Variants in SIGLEC5 observed in about 807,000 individuals in gnomAD.
SIGLEC5 encodes sialic acid binding Ig like lectin 5, also known as sialic acid-binding Ig-like lectin 5.
In SIGLEC5, 34 loss-of-function variants were observed where a neutral mutation model predicts 45.9. The ratio of observed to expected loss-of-function variants is 0.74; its 90% CI spans 0.56 to 0.99. The LOEUF (loss-of-function observed/expected upper bound fraction) is 0.99. SIGLEC5 is among the 50% of genes least tolerant of loss of function. The pLI, the probability that SIGLEC5 is intolerant of heterozygous loss-of-function variation, is 0.00. For synonymous variants in SIGLEC5, 203 were observed against 258.6 expected (o/e 0.79, Z 2.06); for missense variants, 508 against 629.6 (o/e 0.81, Z 2.07).
At chr19:51,615,297 G>A (rs1983012542) in intron 8 of SIGLEC5, among the ~76,000 whole-genome samples, 1 of 152,174 alleles carries the variant, frequency 6.6e-6, no homozygotes, top group Non-Finnish European at 1.5e-5. Flanking sequence ...TATCCCTAGG[G>A]GAAAGTTAAG....
chr19:51,620,921 G>C (rs1983261065), intron 8 of SIGLEC5, among the ~76,000 whole-genome samples: 1 of 152,108 alleles, frequency 6.6e-6, no homozygotes, highest in Admixed American at 6.5e-5. Context: ...CTGGCCTCAA[G>C]AGATCCTCCT....
intron 4 of SIGLEC5, among the ~76,000 whole-genome samples, chr19:51,628,613 A>G (rs1600105282): frequency 7.0e-6 from 1 of 143,258 alleles, no homozygotes; most frequent in Non-Finnish European, 1.5e-5. Context: ...GTGTACGTAC[A>G]TGTGTGCGTG....
chr19:51,623,409 A>G (rs1983364884), intron 8 of SIGLEC5, among the ~76,000 whole-genome samples: 1 of 152,250 alleles, frequency 6.6e-6, no homozygotes, highest in Admixed American at 6.5e-5. Context: ...TACAACACAT[A>G]CAATGAGAAA....
chr19:51,627,234 C>T lies in SIGLEC5; in HGVS notation c.1297G>A (p.Gly433Arg), dbSNP rs17852719. 2.5e-5 allele frequency: 41 copies of T among 1,613,942 alleles called. No individual in the cohort carries two copies. The Admixed American group carries it at 4.3e-4, about 17-fold the overall frequency. Residue 433 changes from glycine (G) to arginine (R), a missense_variant, in exon 7 of 9, where the codon GGG (glycine) becomes AGG (arginine). Around this residue, in one of 2 missense-constraint regions of SIGLEC5, gnomAD observed 431 missense variants for 428.8 expected, o/e 1.01. Coordinates refer to ENST00000683636, the MANE Select transcript of SIGLEC5 (RefSeq NM_003830.4). ...VLLLQGRSNL[G>R]TGVVPAALGG... ...AGGGCTGCAGGAACCACTCCTGTCC[C>T]GAGGTTCGATCTCCCTGCAGAAAAG...
rs1983539214 is a variant in SIGLEC5, at chr19:51,627,611, T to C, written c.1133A>G (p.Gln378Arg). ...EEKPLEGNSS[Q>R]GSFKVNSSSA... is the part of the protein sequence containing the mutation. The stretch of plus-strand genomic sequence containing the variant: ...GCTGGAGTTGACCTTGAATGAGCCC[T>C]GGCTGCTGTTCCCCTCCAGCGGCTT... Residue 378 changes from glutamine (Q) to arginine (R), a missense_variant, in exon 6 of 9, where the codon CAG becomes CGG. Physicochemically the swap from Gln to Arg is conservative, Grantham distance 43. This residue lies in a region of SIGLEC5 where 431 missense variants were observed against 428.8 expected (regional missense o/e 1.01). Coordinates refer to ENST00000683636, the MANE Select transcript of SIGLEC5 (RefSeq NM_003830.4). The C allele has an allele frequency of 6.2e-7, 1 of 1,613,514 alleles. No homozygotes were observed. Among genetic ancestry groups the C allele is most frequent in the Non-Finnish European group, 8.5e-7 (1 of 1,179,966 alleles).
At chr19:51,626,979 AC>A (rs1983504393) in intron 7 of SIGLEC5, among the ~76,000 whole-genome samples, 169 bp downstream of exon 7, 1 of 152,142 alleles carries the variant, frequency 6.6e-6, no homozygotes, top group Non-Finnish European at 1.5e-5. Flanking sequence ...ATCCTGGCTC[AC>A]TGCAGCCTCA....
chr19:51,627,550 G>A lies in SIGLEC5; in HGVS notation c.1194C>T (p.Leu398=), dbSNP rs1983536064. 1 of 1,614,104 alleles carries A rather than the reference G, an allele frequency of 6.2e-7. No homozygotes were observed. The highest frequency in any genetic ancestry group is 2.2e-5 in the East Asian group (1 of 44,872). The stretch of plus-strand genomic sequence containing the variant: ...TGAGGTCGGAGCTGAGCCCCCCGTG[G>A]AGGATCAGGGAGCTGTTGGCCCAGG... ...AGPWANSSLI[L]HGGLSSDLKV... is the part of the protein sequence containing the mutation. The change falls in exon 6 of 9, where the codon CTC becomes CTT. Residue 398 remains leucine (L), a synonymous_variant. Transcript: ENST00000683636.
At chr19:51,625,371 A>T (rs1461804957) in intron 8 of SIGLEC5, among the ~76,000 whole-genome samples, 1 of 152,198 alleles carries the variant, frequency 6.6e-6, no homozygotes, top group Non-Finnish European at 1.5e-5. Flanking sequence ...CAACAACAAC[A>T]TTGAAACTCC....
Position 51,611,227 on chromosome 19 carries a change from C to T in SIGLEC5, c.*1004G>A, listed in dbSNP as rs1382215632. Among the ~76,000 whole-genome samples, 1 of 152,104 alleles carries T rather than the reference C, an allele frequency of 6.6e-6. No individual in the cohort carries two copies. The highest frequency in any genetic ancestry group is 1.9e-4 in the East Asian group (1 of 5,198). ...TAAGTAACTGGAGAATTTTTAGCTG[C>T]TTTTGGTTTAGCATTTTAAAAAATA... On this transcript the variant is annotated 3_prime_UTR_variant, in exon 9 of 9. Coordinates refer to ENST00000683636, the MANE Select transcript of SIGLEC5 (RefSeq NM_003830.4).
intron 8 of SIGLEC5, among the ~76,000 whole-genome samples, chr19:51,614,137 A>C (rs1982962753): frequency 6.6e-6 from 1 of 152,188 alleles, no homozygotes; most frequent in South Asian, 2.1e-4. Context: ...TGAGTCTTCA[A>C]ACAGTAGCTC....
chr19:51,614,165 G>C (rs1287412299), intron 8 of SIGLEC5, among the ~76,000 whole-genome samples: 2 of 152,156 alleles, frequency 1.3e-5, no homozygotes, highest in African/African-American at 4.8e-5. Flanking sequence ...TTCTTTTTGA[G>C]ACAGAGTTTC....
Position 51,627,902 on chromosome 19 carries a change from C to A in SIGLEC5, c.929G>T (p.Gly310Val). 6.2e-7 allele frequency: 1 copy of A among 1,613,830 alleles called. No homozygotes were observed. Among genetic ancestry groups the A allele is most frequent in the Non-Finnish European group, 8.5e-7 (1 of 1,179,814 alleles). Residue 310 changes from glycine (G) to valine (V), a missense_variant, in exon 5 of 9, where the codon GGA becomes GTA. Coordinates refer to ENST00000683636, the MANE Select transcript of SIGLEC5 (RefSeq NM_003830.4). ...GTGCTGAGCGCGGCAGGTGAAGCCTCCTTCTTCTGCAGACCTTACTCGACG... is the reference window on the plus strand; with the variant it reads ...GTGCTGAGCGCGGCAGGTGAAGCCTACTTCTTCTGCAGACCTTACTCGACG... ...ELRRVRSAEE[G>V]GFTCRAQHPL... is the part of the protein sequence containing the mutation.
intron 8 of SIGLEC5, among the ~76,000 whole-genome samples, chr19:51,616,746 T>A (rs1422156004): frequency 6.6e-6 from 1 of 151,268 alleles, no homozygotes; most frequent in East Asian, 1.9e-4. Context: ...ATCCTGTCTC[T>A]AAAAAAATAC....
At chr19:51,625,828 C>T (rs551636740) in intron 8 of SIGLEC5, among the ~76,000 whole-genome samples, 1 of 152,184 alleles carries the variant, frequency 6.6e-6, no homozygotes, top group African/African-American at 2.4e-5. Flanking sequence ...GAAACTCCAT[C>T]TCAAAAACAA....
chr19:51,625,547 T>C (rs920063357), intron 8 of SIGLEC5, among the ~76,000 whole-genome samples: 2 of 152,090 alleles, frequency 1.3e-5, no homozygotes, highest in African/African-American at 4.8e-5. Flanking sequence ...AGAAGGTTGG[T>C]GGCCGGGCGC....
chr19:51,627,242 G>T lies in SIGLEC5; in HGVS notation c.1289C>A (p.Ser430Ter), dbSNP rs192335508. The change falls in exon 7 of 9, where the codon TCG (serine) becomes TAG (stop). Residue 430 changes from serine (S) to a stop codon, truncating the protein, a stop_gained. Transcript: ENST00000683636. LOFTEE classifies it high-confidence loss of function. ...AGGAACCACTCCTGTCCCGAGGTTCGATCTCCCTGCAGAAAAGAGGGGCGT... is the reference window on the plus strand; with the variant it reads ...AGGAACCACTCCTGTCCCGAGGTTCTATCTCCCTGCAGAAAAGAGGGGCGT... ...SGSVLLLQGR[S>*]NLGTGVVPAA... 3.1e-6 allele frequency: 5 copies of T among 1,613,786 alleles called. No individual in the cohort carries two copies. In the African/African-American group the frequency reaches 4.0e-5, roughly 13 times the overall value.
At position 51,627,504 on chromosome 19, in the gene SIGLEC5, T is replaced by C. The variant is rs764035619; in HGVS notation, c.1240A>G (p.Asn414Asp). 4 of 1,613,920 alleles carry C rather than the reference T, an allele frequency of 2.5e-6. No individual in the cohort carries two copies. The African/African-American group carries it at 5.3e-5, about 22-fold the overall frequency. Residue 414 changes from asparagine (N) to aspartate (D), a missense_variant, in exon 6 of 9, where the codon AAC (asparagine) becomes GAC (aspartate). By Grantham distance (23) the Asn-to-Asp change is conservative. Around this residue, in one of 2 missense-constraint regions of SIGLEC5, gnomAD observed 431 missense variants for 428.8 expected, o/e 1.01. Transcript: ENST00000683636. ...GAGCCGCTCTGGGACCCATAGATGT[T>C]CCAGGCCTTGCAGCTGACTTTGAGG... is the stretch of plus-strand genomic sequence containing the variant. Reference protein sequence around the residue: ...SDLKVSCKAWNIYGSQSGSVL... With the variant: ...SDLKVSCKAWDIYGSQSGSVL...
At chr19:51,617,254 T>TAA (rs34056987) in intron 8 of SIGLEC5, among the ~76,000 whole-genome samples, 2 of 130,396 alleles carry the variant, frequency 1.5e-5, no homozygotes, top group Non-Finnish European at 1.6e-5. Context: ...GACTCCACCT[T>TAA]AAAAAAAAAA....
rs757275164 is a variant in SIGLEC5, at chr19:51,626,102, C to A, written c.1394G>T (p.Arg465Leu). ...TGGTCTCCCAGCTGCTTGCTTCCTG[C>A]GGGCTTTCACTCTAAGGAAAGAAAC... ...CLIFFLIVKA[R>L]RKQAAGRPEK... The change falls in exon 8 of 9, where the codon CGC becomes CTC. Residue 465 changes from arginine to leucine, a missense_variant. Arg to Leu is a moderately radical substitution (Grantham distance 102). This residue lies in a region of SIGLEC5 where 431 missense variants were observed against 428.8 expected (regional missense o/e 1.01). Transcript: ENST00000683636. 1 of 1,613,622 alleles carries A rather than the reference C, an allele frequency of 6.2e-7. No individual in the cohort carries two copies. The highest frequency in any genetic ancestry group is 1.1e-5 in the South Asian group (1 of 91,068).
Sources: allele counts gnomAD v4.1 joint callset (sites outside exome capture counted in the v4.1 genomes callset), GRCh38; gene constraint gnomAD v4.1.1; regional missense constraint gnomAD v4.1.1; transcripts MANE v1.5; gene names NCBI Gene and HGNC (gene_info 2026-07-23, HGNC 2026-07-21).